ATE1: variants seen among roughly 807,000 people sequenced by gnomAD.
ATE1 encodes the protein arginyl-tRNA--protein transferase 1.
In ATE1, 36 loss-of-function variants were observed where a neutral mutation model predicts 70.5. That is an observed-to-expected ratio of 0.51 (90% CI 0.39 to 0.67). ATE1 has a LOEUF of 0.67. Ranked by LOEUF, ATE1 falls within the 30% of genes least tolerant of loss-of-function variation. The probability of loss-of-function intolerance (pLI) is 0.00; values close to 1 mark genes in which losing one functional copy is unlikely to be tolerated. For missense variants in ATE1, 593 were observed against 629.5 expected (o/e 0.94, Z 0.62); for synonymous variants, 232 against 219.3 (o/e 1.06, Z -0.51).
rs114872016 is a variant in ATE1 at position 121,848,934 on chromosome 10, C to T, written c.976-7671G>A. 7.8e-3 allele frequency among the ~76,000 whole-genome samples: 1,067 copies of T among 136,096 alleles called. 11 individuals are homozygous for T. The highest frequency in any genetic ancestry group is 0.028 in the African/African-American group (1,001 of 36,034). The allele number at this position is 136,096 out of a possible 152,430, so 89.3% of individuals were successfully genotyped here. On this transcript the variant is annotated intron_variant, in intron 8 of 11. Coordinates refer to ENST00000224652, the MANE Select transcript of ATE1 (RefSeq NM_001001976.3). ...TAAAAAAAAAAGTATTTATTAAGAA[C>T]GTAAGTATGCTCATGCCTGTAATCC... is the stretch of plus-strand genomic sequence containing the variant.
intron 3 of ATE1, among the ~76,000 whole-genome samples, chr10:121,916,676 A>G (rs1204615459): frequency 6.6e-6 from 1 of 152,030 alleles, no homozygotes; most frequent in African/African-American, 2.4e-5. Context: ...TCTACTGAAA[A>G]TACAAAAAAT....
intron 11 of ATE1, among the ~76,000 whole-genome samples, chr10:121,763,246 T>C (rs1039903777): frequency 5.9e-5 from 9 of 152,204 alleles, no homozygotes; most frequent in Non-Finnish European, 7.3e-5. Flanking sequence ...GATCTAGTAA[T>C]TGCGCTTCTT....
At chr10:121,824,359 A>G (rs755954477) in intron 10 of ATE1, among the ~76,000 whole-genome samples, 1 of 152,218 alleles carries the variant, frequency 6.6e-6, no homozygotes, top group Admixed American at 6.5e-5. Context: ...CTATAGTGAA[A>G]TAACATTTAC....
At chr10:121,924,223 C>T (rs1951990664) in intron 2 of ATE1, 43 bp downstream of exon 2, 29 of 1,581,850 alleles carry the variant, frequency 1.8e-5, no homozygotes, top group Non-Finnish European at 2.3e-5. Flanking sequence ...TTTTCAAGAA[C>T]CTGAGTAACA....
Position 121,743,249 on chromosome 10 carries a change from C to T in ATE1, c.*431G>A, listed in dbSNP as rs1590191129. ...TTTTCTAAGTGATGAAATGAACTTT[C>T]TACCTTCCCCATACTTAAGGTTTCC... On this transcript the variant is annotated 3_prime_UTR_variant, in exon 12 of 12. Transcript: ENST00000224652. The T allele has an allele frequency of 6.5e-6, 1 of 153,538 alleles. No individual in the cohort carries two copies. The highest frequency in any genetic ancestry group is 2.4e-5 in the African/African-American group (1 of 41,500). 9.5% of individuals were successfully genotyped at this position (153,538 alleles called of 1,614,324 possible).
At chr10:121,783,075 ATTTC>A (rs369115458) in intron 11 of ATE1, among the ~76,000 whole-genome samples, 1 of 152,086 alleles carries the variant, frequency 6.6e-6, no homozygotes, top group African/African-American at 2.4e-5. Flanking sequence ...GTTTTTTACA[ATTTC>A]TTTCTTTCTT....
chr10:121,800,193 T>C (rs1946821254), intron 10 of ATE1, among the ~76,000 whole-genome samples: 2 of 152,200 alleles, frequency 1.3e-5, no homozygotes, highest in Admixed American at 6.5e-5. Context: ...AGTTTAAACA[T>C]GCAAATGAGA....
chr10:121,913,644 T>C (rs1049743954), intron 4 of ATE1, 146 bp downstream of exon 4: 5 of 479,488 alleles, frequency 1.0e-5, no homozygotes, highest in African/African-American at 9.9e-5. Flanking sequence ...ATGGTAACAG[T>C]AATAGCAGTG....
intron 4 of ATE1, 97 bp downstream of exon 4, chr10:121,913,693 T>C: frequency 1.3e-6 from 1 of 772,244 alleles, no homozygotes; most frequent in East Asian, 2.6e-5. Flanking sequence ...TAGCAGTACA[T>C]GACTGTATTA....
intron 9 of ATE1, among the ~76,000 whole-genome samples, chr10:121,839,385 T>G (rs1948546754): frequency 6.6e-6 from 1 of 152,170 alleles, no homozygotes; most frequent in South Asian, 2.1e-4. Flanking sequence ...AAAATCCATC[T>G]GAGAAGCCTA....
chr10:121,890,032 C>T (rs1408774547), intron 7 of ATE1, among the ~76,000 whole-genome samples: 1 of 152,150 alleles, frequency 6.6e-6, no homozygotes, highest in African/African-American at 2.4e-5. Flanking sequence ...GTAAACCTAA[C>T]AAAGTTGTTA....
intron 11 of ATE1, among the ~76,000 whole-genome samples, chr10:121,780,418 C>T (rs1945933476): frequency 6.6e-6 from 1 of 152,228 alleles, no homozygotes; most frequent in Admixed American, 6.5e-5. Context: ...CCATTGCCCA[C>T]TGCCATCACC....
At chr10:121,795,265 A>T (rs1946617832) in intron 10 of ATE1, among the ~76,000 whole-genome samples, 1 of 152,132 alleles carries the variant, frequency 6.6e-6, no homozygotes, top group Middle Eastern at 3.2e-3. Context: ...ATAAAAATAA[A>T]AATTTTTTAA....
chr10:121,796,240 G>C (rs996182665), intron 10 of ATE1, among the ~76,000 whole-genome samples: 3 of 152,088 alleles, frequency 2.0e-5, no homozygotes, highest in African/African-American at 7.2e-5. Flanking sequence ...AAGAGGGAAG[G>C]CTACCACAGA....
At chr10:121,755,517 A>T (rs954411119) in intron 11 of ATE1, among the ~76,000 whole-genome samples, 5 of 152,238 alleles carry the variant, frequency 3.3e-5, no homozygotes, top group African/African-American at 1.2e-4. Context: ...TTAAAAATAA[A>T]AAATGTTGTG....
At chr10:121,848,396 C>G (rs550312768) in intron 8 of ATE1, among the ~76,000 whole-genome samples, 1 of 151,998 alleles carries the variant, frequency 6.6e-6, no homozygotes, top group Admixed American at 6.5e-5. Context: ...GCAGGCCGAT[C>G]ATTTGAGGCA....
chr10:121,924,461 G>GATTAC, intron 1 of ATE1, 132 bp from the exon 2 acceptor site: 1 of 802,764 alleles, frequency 1.2e-6, no homozygotes, highest in Non-Finnish European at 2.0e-6. Flanking sequence ...AGCACTCTGG[G>GATTAC]AGGCCAAGGC....
chr10:121,859,873 C>A (rs1452643058), intron 8 of ATE1, among the ~76,000 whole-genome samples: 1 of 152,068 alleles, frequency 6.6e-6, no homozygotes, highest in East Asian at 1.9e-4. Flanking sequence ...ACCTGGGAGG[C>A]GGAGGTTGCA....
intron 10 of ATE1, among the ~76,000 whole-genome samples, chr10:121,821,935 T>A (rs1947814837): frequency 6.6e-6 from 1 of 152,204 alleles, no homozygotes; most frequent in African/African-American, 2.4e-5. Flanking sequence ...GGAGCTTTCA[T>A]ATGCTGCCAG....
Sources: allele counts gnomAD v4.1 joint callset (sites outside exome capture counted in the v4.1 genomes callset), GRCh38; gene constraint gnomAD v4.1.1; transcripts MANE v1.5; gene names NCBI Gene and HGNC (gene_info 2026-07-23, HGNC 2026-07-21).